Variants in RCC1 observed in about 807,000 individuals in gnomAD.
RCC1 encodes the protein regulator of chromosome condensation 1, also known as regulator of chromosome condensation.
In RCC1, 11 loss-of-function variants were observed where a neutral mutation model predicts 44.4. The ratio of observed to expected loss-of-function variants is 0.25; its 90% CI spans 0.16 to 0.41. The LOEUF (loss-of-function observed/expected upper bound fraction) is 0.41. Ranked by LOEUF, RCC1 falls within the 10% of genes least tolerant of loss-of-function variation. The pLI is 1.00. For synonymous variants in RCC1, 213 were observed against 216.5 expected (o/e 0.98, Z 0.14); for missense variants, 386 against 547.1 (o/e 0.71, Z 2.94).
Position 28,531,804 on chromosome 1 carries a change from C to T in RCC1, c.75C>T (p.Val25=). 1 of 1,536,110 alleles carries T rather than the reference C, an allele frequency of 6.5e-7. No homozygotes were observed. Among genetic ancestry groups the T allele is most frequent in the African/African-American group, 1.4e-5 (1 of 72,310 alleles). ...GGGTCTATCTTCTTCACCCTTCAGTCTCACACAGGTCCCACAGCACAGAAC... is the reference window on the plus strand; with the variant it reads ...GGGTCTATCTTCTTCACCCTTCAGTTTCACACAGGTCCCACAGCACAGAAC... The part of the protein sequence containing the change: ...DAIPKSKKVK[V]SHRSHSTEPG... Residue 25 remains valine, a splice_region_variant and synonymous_variant, in exon 6 of 13, where the codon GTC becomes GTT. Coordinates refer to ENST00000683442, the MANE Select transcript of RCC1 (RefSeq NM_001381865.2).
chr1:28,508,579 G>C, intron 2 of RCC1: 1 of 518,600 alleles, frequency 1.9e-6, no homozygotes. Context: ...TACCCTGGGA[G>C]GTCACTCTCC....
intron 4 of RCC1, among the ~76,000 whole-genome samples, chr1:28,521,239 C>A (rs964562359): frequency 6.6e-6 from 1 of 152,144 alleles, no homozygotes; most frequent in African/African-American, 2.4e-5. Context: ...CAGTGGCTCA[C>A]GCCTGTAATC....
Position 28,536,333 on chromosome 1 carries a change from G to A in RCC1, c.889G>A (p.Val297Met), listed in dbSNP as rs1482744896. 6.2e-7 allele frequency: 1 copy of A among 1,614,136 alleles called. No homozygotes were observed. Among genetic ancestry groups the A allele is most frequent in the South Asian group, 1.1e-5 (1 of 91,086 alleles). Residue 297 changes from valine to methionine, a missense_variant, in exon 11 of 13, where the codon GTG (valine) becomes ATG (methionine). Physicochemically the swap from Val to Met is conservative, Grantham distance 21 (BLOSUM62 1). Coordinates refer to ENST00000683442, the MANE Select transcript of RCC1 (RefSeq NM_001381865.2). This position sits in a 1 kb window ranked among gnomAD's most constrained non-coding sequence, Gnocchi z 4.9. ...TSFKNSTKSW[V>M]GFSGGQHHTV... ...CTTCAAGAATTCCACCAAGTCCTGG[G>A]TGGGCTTCTCTGGTGGCCAGCACCA...
intron 4 of RCC1, among the ~76,000 whole-genome samples, 164 bp downstream of exon 4, chr1:28,517,031 G>C (rs1216459945): frequency 6.6e-6 from 1 of 151,792 alleles, no homozygotes; most frequent in Non-Finnish European, 1.5e-5. Context: ...TGAGGCAGGA[G>C]AATCGCTTGA....
intron 2 of RCC1, chr1:28,508,512 G>C (rs915550617): frequency 2.0e-6 from 1 of 489,814 alleles, no homozygotes; most frequent in Non-Finnish European, 4.1e-6. Context: ...TGGGTGATTA[G>C]CAATATTGGA....
intron 4 of RCC1, among the ~76,000 whole-genome samples, chr1:28,521,486 C>T (rs1478377662): frequency 1.5e-5 from 2 of 137,536 alleles, no homozygotes; most frequent in African/African-American, 2.8e-5. Context: ...GGCGACAGAG[C>T]GAGACTCCAC....
intron 4 of RCC1, chr1:28,526,892 G>A (rs1193108861): frequency 1.1e-5 from 8 of 717,566 alleles, no homozygotes; most frequent in South Asian, 5.0e-5. Context: ...GCAAGACTCC[G>A]TCTCGGAAAA....
chr1:28,532,745 C>CA (rs1483665290), intron 7 of RCC1: 3 of 467,850 alleles, frequency 6.4e-6, no homozygotes. Context: ...TGTCGCATCT[C>CA]AGAGTTTCCA....
chr1:28,509,738 C>G (rs1662356367), intron 3 of RCC1: 1 of 152,144 alleles, frequency 6.6e-6, no homozygotes, highest in South Asian at 2.1e-4. Flanking sequence ...TCTAAAGGCC[C>G]TGAAACCTAG....
intron 5 of RCC1, among the ~76,000 whole-genome samples, chr1:28,531,000 A>G (rs952583077): frequency 3.3e-5 from 5 of 152,132 alleles, no homozygotes; most frequent in African/African-American, 1.2e-4. Context: ...TCTGCGGGGC[A>G]AGGTGGCTCA....
chr1:28,535,533 G>A (rs1480458185), intron 9 of RCC1, 153 bp downstream of exon 9: 2 of 1,168,896 alleles, frequency 1.7e-6, no homozygotes, highest in Non-Finnish European at 2.5e-6. Flanking sequence ...TGGTAGTTTT[G>A]CCACCTACTG....
chr1:28,508,654 C>A, intron 2 of RCC1, 176 bp from the exon 3 acceptor site: 1 of 518,940 alleles, frequency 1.9e-6, no homozygotes, highest in Non-Finnish European at 3.8e-6. Flanking sequence ...AGTCCCTTTC[C>A]ACAACGTTGA....
At chr1:28,537,760 CA>C in intron 12 of RCC1, 71 bp from the exon 13 acceptor site, 1 of 1,476,540 alleles carries the variant, frequency 6.8e-7, no homozygotes, top group Non-Finnish European at 9.1e-7. Flanking sequence ...GCCCATGTCC[CA>C]GGTTTCTCCT....
In RCC1 at chr1:28,536,727, C is replaced by T; in HGVS notation, c.938-20C>T. 3.1e-6 allele frequency: 5 copies of T among 1,612,930 alleles called. No homozygotes were observed. Among genetic ancestry groups the T allele is most frequent in the Non-Finnish European group, 4.2e-6 (5 of 1,179,304 alleles). On this transcript the variant is annotated intron_variant, in intron 11 of 12. Transcript: ENST00000683442. The surrounding 1 kb of genome is among the most constrained non-coding windows in gnomAD (Gnocchi z 4.9). ...TAGCACGCCCTCTGCTATTGCTCAT[C>T]TCTCTCCCTCCTCCCATAGGAAAAG...
chr1:28,511,127 T>C (rs963093459), intron 3 of RCC1, among the ~76,000 whole-genome samples: 1 of 152,186 alleles, frequency 6.6e-6, no homozygotes, highest in African/African-American at 2.4e-5. Flanking sequence ...ATTGGTTGCC[T>C]ATCTTAGGAG....
intron 4 of RCC1, among the ~76,000 whole-genome samples, chr1:28,524,304 G>C (rs1343383602): frequency 6.6e-6 from 1 of 152,182 alleles, no homozygotes; most frequent in South Asian, 2.1e-4. Flanking sequence ...CCATCTACCT[G>C]GTCATTTAAG....
At chr1:28,507,977 AG>A in intron 1 of RCC1, 150 bp from the exon 2 acceptor site, 1 of 295,986 alleles carries the variant, frequency 3.4e-6, no homozygotes, top group Middle Eastern at 4.1e-4. Context: ...AGGTAGCTGG[AG>A]GAAGGAGAAT....
At chr1:28,508,545 C>T (rs1446510563) in intron 2 of RCC1, 1 of 516,126 alleles carries the variant, frequency 1.9e-6, no homozygotes, top group African/African-American at 1.9e-5. Context: ...TCCAATTCCT[C>T]ACTAATGAGC....
chr1:28,535,638 G>A, intron 9 of RCC1: 2 of 761,366 alleles, frequency 2.6e-6, no homozygotes, highest in Non-Finnish European at 4.6e-6. Context: ...GAGTTAATGA[G>A]AAGAATATCA....
Sources: gnomAD v4.1 joint callset for allele counts (sites outside exome capture counted in the v4.1 genomes callset) on GRCh38, gnomAD v4.1.1 for gene constraint, Gnocchi (gnomAD v3.1) non-coding constraint, MANE v1.5 for transcripts, NCBI Gene and HGNC (gene_info 2026-07-23, HGNC 2026-07-21) for gene names.